The following ATP6V1H variants were observed in gnomAD, a reference collection of about 807,000 sequenced individuals.
ATP6V1H encodes the protein V-type proton ATPase subunit H.
A neutral mutation model predicts 71.7 loss-of-function variants in ATP6V1H; 39 were observed. The ratio of observed to expected loss-of-function variants is 0.54; its 90% CI spans 0.42 to 0.71. The LOEUF (loss-of-function observed/expected upper bound fraction) is 0.71, where lower values mean the gene tolerates loss of function less well. ATP6V1H is among the 30% of genes least tolerant of loss of function. The pLI is 0.00. For missense variants in ATP6V1H, 509 were observed against 594.9 expected, an observed-to-expected ratio of 0.86 and a Z score of 1.50; for synonymous variants, 192 against 199.3, an observed-to-expected ratio of 0.96 and a Z score of 0.31.
intron 12 of ATP6V1H, among the ~76,000 whole-genome samples, chr8:53,755,748 T>A (rs1260334918): frequency 1.3e-4 from 3 of 23,532 alleles, no homozygotes; most frequent in South Asian, 1.5e-3. Flanking sequence ...ATATATATTT[T>A]TTTTTTTTTT....
At chr8:53,807,817 A>G (rs769311873) in intron 7 of ATP6V1H, among the ~76,000 whole-genome samples, 1 of 152,244 alleles carries the variant, frequency 6.6e-6, no homozygotes, top group Non-Finnish European at 1.5e-5. Flanking sequence ...ATATATTTCA[A>G]TAAGGCTCTT....
chr8:53,817,639 G>A, intron 4 of ATP6V1H, 109 bp from the exon 5 acceptor site: 1 of 620,102 alleles, frequency 1.6e-6, no homozygotes, highest in Non-Finnish European at 2.8e-6. Flanking sequence ...TTTTTTCAGT[G>A]TGTGTGTATG....
intron 13 of ATP6V1H, among the ~76,000 whole-genome samples, chr8:53,730,398 C>A (rs748440938): frequency 5.3e-5 from 8 of 152,208 alleles, no homozygotes; most frequent in Non-Finnish European, 1.0e-4. Context: ...TCTGATGGAT[C>A]TTCTAGTGGC....
chr8:53,757,422 G>A (rs1312729828), intron 11 of ATP6V1H, among the ~76,000 whole-genome samples: 1 of 152,266 alleles, frequency 6.6e-6, no homozygotes, highest in South Asian at 2.1e-4. Flanking sequence ...CAAGGAGCTT[G>A]GAAAGGACTA....
In ATP6V1H at chr8:53,827,327, G is replaced by T. The variant is rs549721433; in HGVS notation, c.306+2117C>A. ...GAACCCAGGGGGCAGAGGTTGCAGC[G>T]AGCCGAGATCACGCCACTACACTCC... On this transcript the variant is annotated intron_variant, in intron 4 of 13. Transcript: ENST00000359530. Among the ~76,000 whole-genome samples the T allele has an allele frequency of 2.6e-5, 4 of 151,988 alleles. No homozygotes were observed. In the East Asian group the frequency reaches 7.7e-4, roughly 29 times the overall value.
In ATP6V1H at chr8:53,829,509, T is replaced by C. The variant is rs766162428; in HGVS notation, c.241A>G (p.Met81Val). ...GTCTGTTCTTTGCAGATATGAGTCA[T>C]CAGATTTATAAATGTTTTAGCACAC... ...SQCAKTFINL[M>V]THICKEQTVQ... Residue 81 changes from methionine (M) to valine (V), a missense_variant, in exon 4 of 14, where the codon ATG becomes GTG. By Grantham distance (21) the Met-to-Val change is conservative. Around this residue, in one of 2 missense-constraint regions of ATP6V1H, gnomAD observed 297 missense variants for 303.3 expected, o/e 0.98. Transcript: ENST00000359530. 3.1e-6 allele frequency: 5 copies of C among 1,593,160 alleles called. No homozygotes were observed. The highest frequency in any genetic ancestry group is 2.3e-5 in the South Asian group (2 of 86,906).
At chr8:53,740,466 T>C (rs1385359186) in intron 13 of ATP6V1H, among the ~76,000 whole-genome samples, 1 of 152,216 alleles carries the variant, frequency 6.6e-6, no homozygotes, top group Admixed American at 6.5e-5. Flanking sequence ...CTTTCATCTG[T>C]GCTTGCATTT....
chr8:53,776,264 C>T (rs1311311204), intron 9 of ATP6V1H, among the ~76,000 whole-genome samples: 2 of 152,206 alleles, frequency 1.3e-5, no homozygotes, highest in African/African-American at 4.8e-5. Context: ...AGCCCTAGTT[C>T]CCGCTCGTGC....
At chr8:53,769,002 C>T (rs1393661063) in intron 11 of ATP6V1H, among the ~76,000 whole-genome samples, 1 of 152,068 alleles carries the variant, frequency 6.6e-6, no homozygotes, top group East Asian at 1.9e-4. Flanking sequence ...ACCTGGAGGG[C>T]ACTGGTGGAA....
rs544621815 is a variant in ATP6V1H at position 53,776,222 on chromosome 8, A to G, written c.871-4055T>C. On this transcript the variant is annotated intron_variant, in intron 9 of 13. Coordinates refer to ENST00000359530, the MANE Select transcript of ATP6V1H (RefSeq NM_015941.4). ...GGGCCCGCCAAGCCCACGCCCACCCAGAACTCCAGCTGGCCCGCAAGCGCC... is the reference window on the plus strand; with the variant it reads ...GGGCCCGCCAAGCCCACGCCCACCCGGAACTCCAGCTGGCCCGCAAGCGCC... Among the ~76,000 whole-genome samples, 339 of 152,278 alleles carry G rather than the reference A, an allele frequency of 2.2e-3. 2 individuals carry two copies. Among genetic ancestry groups the G allele is most frequent in the African/African-American group, 7.9e-3 (328 of 41,570 alleles).
chr8:53,824,012 G>C (rs560902768), intron 4 of ATP6V1H, among the ~76,000 whole-genome samples: 11 of 149,640 alleles, frequency 7.4e-5, no homozygotes, highest in South Asian at 6.3e-4. Flanking sequence ...AAAAAAAGCA[G>C]AAAGCACAAA....
At chr8:53,760,451 G>A (rs937128007) in intron 11 of ATP6V1H, among the ~76,000 whole-genome samples, 2 of 152,192 alleles carry the variant, frequency 1.3e-5, no homozygotes, top group African/African-American at 4.8e-5. Context: ...AAAACCCCAA[G>A]TCAAGGGCAG....
chr8:53,785,929 G>A (rs1338629060), intron 9 of ATP6V1H, among the ~76,000 whole-genome samples: 1 of 152,188 alleles, frequency 6.6e-6, no homozygotes, highest in East Asian at 1.9e-4. Flanking sequence ...CCGGCTGTGT[G>A]AGGTGTCAGT....
At chr8:53,839,489 C>T in intron 2 of ATP6V1H, 1 of 569,240 alleles carries the variant, frequency 1.8e-6, no homozygotes, top group Non-Finnish European at 2.2e-6. Context: ...CAGAAGTCAT[C>T]CAAGACTTCT....
intron 9 of ATP6V1H, among the ~76,000 whole-genome samples, chr8:53,794,862 C>T (rs1809679924): frequency 6.6e-6 from 1 of 152,134 alleles, no homozygotes. Context: ...TTATAGAGCT[C>T]TGGTGAGCAT....
chr8:53,795,864 A>C (rs1253926772), intron 8 of ATP6V1H, 25 bp from the exon 9 acceptor site: 180 of 1,569,858 alleles, frequency 1.1e-4, no homozygotes, highest in Non-Finnish European at 1.5e-4. Flanking sequence ...AACAAAAAAA[A>C]CACATTTACA....
chr8:53,800,911 C>A (rs1042061781), intron 8 of ATP6V1H, among the ~76,000 whole-genome samples: 3 of 152,012 alleles, frequency 2.0e-5, no homozygotes, highest in Admixed American at 1.3e-4. Flanking sequence ...TTTTTCCTGG[C>A]AAACTGAGGA....
rs543765473 is a variant in ATP6V1H at position 53,777,116 on chromosome 8, C to G, written c.871-4949G>C. Among the ~76,000 whole-genome samples, 3 of 152,174 alleles carry G rather than the reference C, an allele frequency of 2.0e-5. No individual in the cohort carries two copies. The East Asian group carries it at 5.8e-4, about 29-fold the overall frequency. ...GTCTAACATAAGTGGAATTAGAATG[C>G]CAGAAGGCAAGGATAAGTAAAAAGG... is the stretch of plus-strand genomic sequence containing the variant. On this transcript the variant is annotated intron_variant, in intron 9 of 13. Coordinates refer to ENST00000359530, the MANE Select transcript of ATP6V1H (RefSeq NM_015941.4).
Position 53,735,137 on chromosome 8 carries a change from C to G in ATP6V1H, c.1391+8440G>C, listed in dbSNP as rs368799837. Among the ~76,000 whole-genome samples the G allele has an allele frequency of 4.6e-5, 7 of 152,136 alleles. No individual in the cohort carries two copies. In the East Asian group the frequency reaches 1.3e-3, roughly 29 times the overall value. On this transcript the variant is annotated intron_variant, in intron 13 of 13. Coordinates refer to ENST00000359530, the MANE Select transcript of ATP6V1H (RefSeq NM_015941.4). ...GGCATACTAGCTTATGGAACAGCCCCCTTTGAAGATCTCCAGGTGGACTTC... is the reference window on the plus strand; with the variant it reads ...GGCATACTAGCTTATGGAACAGCCCGCTTTGAAGATCTCCAGGTGGACTTC...
Sources: allele counts gnomAD v4.1 joint callset (sites outside exome capture counted in the v4.1 genomes callset), GRCh38; gene constraint gnomAD v4.1.1; regional missense constraint gnomAD v4.1.1; transcripts MANE v1.5; gene names NCBI Gene and HGNC (gene_info 2026-07-23, HGNC 2026-07-21).